The following FREM2 variants were observed in gnomAD, a reference collection of about 807,000 sequenced individuals.
FREM2 encodes the protein FRAS1-related extracellular matrix protein 2.
Under a neutral mutation model 219.9 loss-of-function variants are expected in FREM2, and 119 were observed. The ratio of observed to expected loss-of-function variants is 0.54; its 90% CI spans 0.47 to 0.63. FREM2 has a LOEUF of 0.63. Ranked by LOEUF, FREM2 falls within the 30% of genes least tolerant of loss-of-function variation. The probability of loss-of-function intolerance (pLI) is 0.00; values close to 1 mark genes in which losing one functional copy is unlikely to be tolerated. For synonymous variants in FREM2, 1,562 were observed against 1,522.8 expected (o/e 1.03, Z -0.60); for missense variants, 4,030 against 3,993.6 (o/e 1.01, Z -0.25).
intron 2 of FREM2, among the ~76,000 whole-genome samples, chr13:38,714,281 A>G (rs950868356): frequency 1.3e-5 from 2 of 152,264 alleles, no homozygotes; most frequent in Non-Finnish European, 2.9e-5. Context: ...ATCCTGAGTT[A>G]AGGGATATGA....
rs2137910357 is a variant in FREM2 at position 38,850,042 on chromosome 13, T to TA, written c.6386dup (p.Met2130AspfsTer14). On this transcript the variant is annotated frameshift_variant, in exon 9 of 24. Coordinates refer to ENST00000280481, the MANE Select transcript of FREM2 (RefSeq NM_207361.6). LOFTEE classifies it high-confidence loss of function. ...TTTAATCCTTTGTTTTTGCAGTGCC[T>TA]AAGATGCAATTCAAAGAACGAATAT... 1 of 1,613,402 alleles carries TA rather than the reference T, an allele frequency of 6.2e-7. No homozygotes were observed. Among genetic ancestry groups the TA allele is most frequent in the Non-Finnish European group, 8.5e-7 (1 of 1,179,420 alleles).
chr13:38,719,056 A>G (rs2138105002), intron 2 of FREM2, among the ~76,000 whole-genome samples: 1 of 152,308 alleles, frequency 6.6e-6, no homozygotes, highest in South Asian at 2.1e-4. Flanking sequence ...TGGAGGTCAG[A>G]AGTTCCAATT....
chr13:38,692,439 A>C lies in FREM2; in HGVS notation c.5095A>C (p.Ile1699Leu), dbSNP rs775725488. Reference protein sequence around the residue: ...RDSLHISLRFIVTEAPQHGYL... With the variant: ...RDSLHISLRFLVTEAPQHGYL... ...CAGCTTACACATTTCTCTTAGATTT[A>C]TCGTGACAGAGGCCCCTCAACATGG... Residue 1699 changes from isoleucine (I) to leucine (L), a missense_variant, in exon 1 of 24, where the codon ATC becomes CTC. Physicochemically the swap from Ile to Leu is conservative, Grantham distance 5. Around this residue, in one of 2 missense-constraint regions of FREM2, gnomAD observed 3,102 missense variants for 2,950.7 expected, o/e 1.05. Coordinates refer to ENST00000280481, the MANE Select transcript of FREM2 (RefSeq NM_207361.6). 3.1e-6 allele frequency: 5 copies of C among 1,613,960 alleles called. No individual in the cohort carries two copies. The highest frequency in any genetic ancestry group is 4.2e-6 in the Non-Finnish European group (5 of 1,179,976).
chr13:38,791,177 A>G (rs1874545145), intron 6 of FREM2, among the ~76,000 whole-genome samples: 1 of 152,220 alleles, frequency 6.6e-6, no homozygotes, highest in South Asian at 2.1e-4. Context: ...TACTTCTTCA[A>G]CAGCACATTT....
At chr13:38,780,859 C>T (rs1466495144) in intron 4 of FREM2, among the ~76,000 whole-genome samples, 1 of 152,192 alleles carries the variant, frequency 6.6e-6, no homozygotes, top group Non-Finnish European at 1.5e-5. Context: ...ATGCCAACAG[C>T]CTCCAATGAG....
chr13:38,723,985 G>A (rs549366753), intron 2 of FREM2, among the ~76,000 whole-genome samples: 26 of 152,202 alleles, frequency 1.7e-4, no homozygotes, highest in Non-Finnish European at 1.2e-4. Flanking sequence ...TGCAGCCCGT[G>A]TTCTTACTGG....
chr13:38,846,440 A>G, intron 6 of FREM2, 133 bp from the exon 7 acceptor site: 2 of 869,174 alleles, frequency 2.3e-6, no homozygotes, highest in Non-Finnish European at 3.6e-6. Context: ...ATGTTATCTC[A>G]CTAAAAGGAA....
At chr13:38,806,620 T>C (rs1204584841) in intron 6 of FREM2, among the ~76,000 whole-genome samples, 1 of 151,956 alleles carries the variant, frequency 6.6e-6, no homozygotes, top group Non-Finnish European at 1.5e-5. Context: ...TGCTAATGAT[T>C]GTCAGAGCCT....
intron 2 of FREM2, among the ~76,000 whole-genome samples, chr13:38,708,093 A>T (rs894026032): frequency 1.3e-5 from 2 of 152,214 alleles, no homozygotes; most frequent in African/African-American, 4.8e-5. Flanking sequence ...TAAACTGCTT[A>T]AAATAATCAT....
rs1394071393 is a variant in FREM2 at position 38,877,110 on chromosome 13, G to T, written c.8545-7G>T. 1 of 1,613,900 alleles carries T rather than the reference G, an allele frequency of 6.2e-7. No individual in the cohort carries two copies. Among genetic ancestry groups the T allele is most frequent in the Admixed American group, 1.7e-5 (1 of 59,996 alleles). On this transcript the variant is annotated splice_region_variant and splice_polypyrimidine_tract_variant and intron_variant, in intron 20 of 23. Transcript: ENST00000280481. ...ATGCATAAAAGAACTTTTACCTTTG[G>T]TTTTAGGTCAGTGATCCAGTGGCTG...
intron 6 of FREM2, among the ~76,000 whole-genome samples, chr13:38,832,635 G>A (rs117604607): frequency 0.014 from 2,124 of 152,088 alleles, 33 homozygotes; most frequent in South Asian, 0.033. Flanking sequence ...AAATTTCATT[G>A]CAGAAAAACC....
intron 4 of FREM2, among the ~76,000 whole-genome samples, chr13:38,778,952 G>C (rs1013700827): frequency 6.6e-6 from 1 of 152,194 alleles, no homozygotes; most frequent in East Asian, 1.9e-4. Context: ...TTGAATATTT[G>C]ACTTGAATTT....
chr13:38,741,939 A>G (rs1872265774), intron 2 of FREM2, among the ~76,000 whole-genome samples: 1 of 152,212 alleles, frequency 6.6e-6, no homozygotes, highest in African/African-American at 2.4e-5. Context: ...CATCTGATAA[A>G]TATTGACAAT....
In FREM2 at chr13:38,691,893, C is replaced by A; in HGVS notation, c.4549C>A (p.Pro1517Thr). 2 of 1,614,112 alleles carry A rather than the reference C, an allele frequency of 1.2e-6. No individual in the cohort carries two copies. Among genetic ancestry groups the A allele is most frequent in the Non-Finnish European group, 1.7e-6 (2 of 1,180,032 alleles). The stretch of plus-strand genomic sequence containing the variant: ...GTTTCAAGTCACCGATGGACGTAAC[C>A]CTGTCTTTCGGACATTCCGTATCTC... ...FEFQVTDGRN[P>T]VFRTFRISIS... The change falls in exon 1 of 24, where the codon CCT (proline) becomes ACT (threonine). Residue 1517 changes from proline to threonine, a missense_variant. Pro to Thr is a conservative substitution (Grantham distance 38). Transcript: ENST00000280481.
chr13:38,810,035 TC>T (rs1485803370), intron 6 of FREM2, among the ~76,000 whole-genome samples: 21 of 152,074 alleles, frequency 1.4e-4, no homozygotes, highest in Non-Finnish European at 3.1e-4. Context: ...TAGAGCTCTT[TC>T]ATTTCTTTGT....
chr13:38,818,847 G>A (rs1452832875), intron 6 of FREM2, among the ~76,000 whole-genome samples: 4 of 151,608 alleles, frequency 2.6e-5, no homozygotes, highest in East Asian at 1.9e-4. Context: ...AGCCAAGATC[G>A]CACCACTACA....
chr13:38,767,877 T>C (rs1466108), intron 3 of FREM2, among the ~76,000 whole-genome samples: 135,825 of 152,250 alleles, frequency 0.89, 61,721 homozygotes, highest in Non-Finnish European at 0.99. Context: ...ATATTTATGT[T>C]AGTTATTGTT....
At chr13:38,808,368 G>A (rs1415599568) in intron 6 of FREM2, among the ~76,000 whole-genome samples, 1 of 151,964 alleles carries the variant, frequency 6.6e-6, no homozygotes, top group Non-Finnish European at 1.5e-5. Context: ...TGTCCTTCAA[G>A]AGCTATTCCT....
chr13:38,699,377 T>G (rs1203904247), intron 2 of FREM2, among the ~76,000 whole-genome samples: 1 of 152,174 alleles, frequency 6.6e-6, no homozygotes, highest in African/African-American at 2.4e-5. Flanking sequence ...TACTTTAAAA[T>G]TTTGGTCTCT....
Sources: allele counts gnomAD v4.1 joint callset (sites outside exome capture counted in the v4.1 genomes callset), GRCh38; gene constraint gnomAD v4.1.1; regional missense constraint gnomAD v4.1.1; transcripts MANE v1.5; gene names NCBI Gene and HGNC (gene_info 2026-07-23, HGNC 2026-07-21).